The following DCSTAMP variants were observed in gnomAD, a reference collection of about 807,000 sequenced individuals.
DCSTAMP encodes the protein dendrocyte expressed seven transmembrane protein.
Under a neutral mutation model 33.8 loss-of-function variants are expected in DCSTAMP, and 25 were observed. That is an observed-to-expected ratio of 0.74 (90% CI 0.54 to 1.03). The LOEUF (loss-of-function observed/expected upper bound fraction) is 1.03. Ranked by LOEUF, DCSTAMP falls within the 50% of genes least tolerant of loss-of-function variation. The probability of loss-of-function intolerance (pLI) is 0.00; values close to 1 mark genes in which losing one functional copy is unlikely to be tolerated. For synonymous variants in DCSTAMP, 245 were observed against 216.7 expected (o/e 1.13, Z -1.15); for missense variants, 531 against 556.8 (o/e 0.95, Z 0.47).
In DCSTAMP at chr8:104,342,269, A is replaced by C. The variant is rs1314392650; in HGVS notation, c.-13+2407A>C. Among the ~76,000 whole-genome samples the C allele has an allele frequency of 4.6e-5, 7 of 152,202 alleles. No homozygotes were observed. The East Asian group carries it at 1.2e-3, about 25-fold the overall frequency. Reference sequence around the variant, plus strand: ...AGGGCTAAGGTGAGAAGCCAGCCAGAGAGGAGAGAAGAGAGCCATGTGAAC... The same window carrying C: ...AGGGCTAAGGTGAGAAGCCAGCCAGCGAGGAGAGAAGAGAGCCATGTGAAC... On this transcript the variant is annotated intron_variant, in intron 1 of 3. Coordinates refer to ENST00000297581, the MANE Select transcript of DCSTAMP (RefSeq NM_030788.4).
At chr8:104,342,977 A>G (rs1339865358) in intron 1 of DCSTAMP, among the ~76,000 whole-genome samples, 1 of 152,236 alleles carries the variant, frequency 6.6e-6, no homozygotes, top group Non-Finnish European at 1.5e-5. Flanking sequence ...TAGATGGCTC[A>G]ATAAAGCTAT....
intron 1 of DCSTAMP, among the ~76,000 whole-genome samples, chr8:104,347,355 C>A (rs184146952): frequency 3.5e-4 from 54 of 152,354 alleles, no homozygotes; most frequent in African/African-American, 1.2e-3. Context: ...ACAATGGCCT[C>A]AGTCCAAGGC....
intron 1 of DCSTAMP, among the ~76,000 whole-genome samples, chr8:104,347,500 C>T (rs1348981155): frequency 6.6e-6 from 1 of 152,220 alleles, no homozygotes; most frequent in Non-Finnish European, 1.5e-5. Context: ...TAGGGTTCAA[C>T]TATTAAGGCT....
At chr8:104,345,821 T>C (rs890199150) in intron 1 of DCSTAMP, among the ~76,000 whole-genome samples, 1 of 152,340 alleles carries the variant, frequency 6.6e-6, no homozygotes, top group Admixed American at 6.5e-5. Flanking sequence ...AAGAAGAATC[T>C]GCTAGTTTGA....
At chr8:104,340,641 C>T (rs1017348405) in intron 1 of DCSTAMP, among the ~76,000 whole-genome samples, 1 of 152,172 alleles carries the variant, frequency 6.6e-6, no homozygotes, top group Non-Finnish European at 1.5e-5. Flanking sequence ...CTAGTGGGGA[C>T]CTTAGAACTC....
intron 1 of DCSTAMP, among the ~76,000 whole-genome samples, chr8:104,345,284 G>T (rs1810274565): frequency 6.6e-6 from 1 of 152,144 alleles, no homozygotes; most frequent in Non-Finnish European, 1.5e-5. Context: ...GGAGCAGGTA[G>T]GTCATATATT....
At chr8:104,354,848 A>C (rs755879279) in intron 2 of DCSTAMP, 29 bp from the exon 3 acceptor site, 4 of 1,455,772 alleles carry the variant, frequency 2.7e-6, no homozygotes, top group Non-Finnish European at 3.8e-6. Context: ...AATGGCATGC[A>C]TCATGATTAT....
intron 1 of DCSTAMP, among the ~76,000 whole-genome samples, chr8:104,343,008 C>T (rs970912992): frequency 1.3e-5 from 2 of 152,180 alleles, no homozygotes; most frequent in African/African-American, 4.8e-5. Context: ...GAGGGGAGGA[C>T]CCTGGATGTG....
chr8:104,343,664 G>A (rs188969156), intron 1 of DCSTAMP, among the ~76,000 whole-genome samples: 13 of 152,342 alleles, frequency 8.5e-5, no homozygotes, highest in African/African-American at 2.6e-4. Flanking sequence ...AGAGACAAGA[G>A]ACTGGCAGCC....
chr8:104,347,314 A>C (rs1269459645), intron 1 of DCSTAMP, among the ~76,000 whole-genome samples: 3 of 152,240 alleles, frequency 2.0e-5, no homozygotes, highest in Non-Finnish European at 4.4e-5. Flanking sequence ...GGGGCATAAG[A>C]GGGAAGAAGC....
At chr8:104,345,858 T>C (rs998501270) in intron 1 of DCSTAMP, among the ~76,000 whole-genome samples, 2 of 152,220 alleles carry the variant, frequency 1.3e-5, no homozygotes, top group African/African-American at 4.8e-5. Context: ...GTCAACTATT[T>C]TGATGCAGGG....
intron 2 of DCSTAMP, 118 bp from the exon 3 acceptor site, chr8:104,354,759 G>T: frequency 1.5e-6 from 1 of 656,726 alleles, no homozygotes; most frequent in Non-Finnish European, 2.6e-6. Context: ...TAGTTCCTTT[G>T]GCCAAAGCTC....
chr8:104,356,074 A>T, intron 3 of DCSTAMP, 50 bp from the exon 4 acceptor site: 1 of 1,533,644 alleles, frequency 6.5e-7, no homozygotes, highest in Middle Eastern at 1.7e-4. Flanking sequence ...AGAGGCATTT[A>T]AAATGACTCC....
chr8:104,356,385 T>C lies in DCSTAMP; in HGVS notation c.*187T>C. 2.1e-6 allele frequency: 1 copy of C among 480,716 alleles called. No individual in the cohort carries two copies. The highest frequency in any genetic ancestry group is 3.1e-5 in the South Asian group (1 of 31,750). The allele number at this position is 480,716 out of a possible 1,614,324, so 29.8% of individuals were successfully genotyped here. A position where few individuals can be genotyped will look rare whatever the true frequency, so the allele number is the denominator to read the frequency against. On this transcript the variant is annotated 3_prime_UTR_variant, in exon 4 of 4. Coordinates refer to ENST00000297581, the MANE Select transcript of DCSTAMP (RefSeq NM_030788.4). ...ATCTCAAAGCCAAAGAGCTGCCAGG[T>C]AAATGGTTATGTGGTCTATGTTCCA...
At chr8:104,355,492 A>T (rs1810598829) in intron 3 of DCSTAMP, among the ~76,000 whole-genome samples, 1 of 152,320 alleles carries the variant, frequency 6.6e-6, no homozygotes, top group Admixed American at 6.5e-5. Context: ...GACAAAGCAC[A>T]GTAAGATATG....
intron 1 of DCSTAMP, among the ~76,000 whole-genome samples, chr8:104,344,327 A>T (rs937016488): frequency 3.3e-5 from 5 of 152,032 alleles, no homozygotes; most frequent in Admixed American, 1.3e-4. Context: ...AATTAAATAA[A>T]ATAACACTAA....
chr8:104,356,289 T>A lies in DCSTAMP; in HGVS notation c.*91T>A. ...CTATTCATGCCGGATAATAGAGAAC[T>A]ATGTGACGCAGTCCTCTCAGGAGTC... On this transcript the variant is annotated 3_prime_UTR_variant, in exon 4 of 4. Transcript: ENST00000297581. 7.7e-7 allele frequency: 1 copy of A among 1,292,038 alleles called. No homozygotes were observed. The highest frequency in any genetic ancestry group is 1.1e-6 in the Non-Finnish European group (1 of 948,116). The allele number at this position is 1,292,038 out of a possible 1,614,324, so 80.0% of individuals were successfully genotyped here.
chr8:104,351,996 A>C (rs1178052096), intron 2 of DCSTAMP, among the ~76,000 whole-genome samples: 2 of 152,144 alleles, frequency 1.3e-5, no homozygotes, highest in African/African-American at 2.4e-5. Flanking sequence ...ATCATTGTAC[A>C]TATTTATGGG....
chr8:104,348,973 T>C lies in DCSTAMP; in HGVS notation c.421T>C (p.Leu141=), dbSNP rs1429297749. The C allele has an allele frequency of 6.2e-7, 1 of 1,614,222 alleles. No homozygotes were observed. Among genetic ancestry groups the C allele is most frequent in the Admixed American group, 1.7e-5 (1 of 60,032 alleles). ...GAGCTTTTCCATACATTTTCCACTT[T>C]TGAAAAAATATATTGAGGCAATTCA... is the stretch of plus-strand genomic sequence containing the variant. The part of the protein sequence containing the change: ...AKSFSIHFPL[L]KKYIEAIQWI... Residue 141 remains leucine (L), a synonymous_variant, in exon 2 of 4, where the codon TTG becomes CTG. Transcript: ENST00000297581.
Sources: gnomAD v4.1 joint callset for allele counts (sites outside exome capture counted in the v4.1 genomes callset) on GRCh38, gnomAD v4.1.1 for gene constraint, MANE v1.5 for transcripts, NCBI Gene and HGNC (gene_info 2026-07-23, HGNC 2026-07-21) for gene names.